The following SHISAL1 variants were observed in gnomAD, a reference collection of about 807,000 sequenced individuals.
SHISAL1 encodes the protein protein shisa-like-1.
A neutral mutation model predicts 22.6 loss-of-function variants in SHISAL1; 9 were observed. The ratio of observed to expected loss-of-function variants is 0.40; its 90% CI spans 0.24 to 0.70. The LOEUF is 0.70. Among genes scored for constraint, SHISAL1 ranks in the 30% least tolerant of loss-of-function variants. The pLI, the probability that SHISAL1 is intolerant of heterozygous loss-of-function variation, is 0.39. For synonymous variants in SHISAL1, 119 were observed against 115.4 expected (o/e 1.03, Z -0.20); for missense variants, 246 against 270.6 (o/e 0.91, Z 0.64).
chr22:44,320,307 A>G, the SHISAL1 span, among the ~76,000 whole-genome samples: 1 of 152,102 alleles, frequency 6.6e-6, no homozygotes, highest in East Asian at 1.9e-4. Flanking sequence ...TGGTTCCTGG[A>G]ACCAACAGGG....
intron 2 of SHISAL1, among the ~76,000 whole-genome samples, chr22:44,299,755 G>A (rs993742739): frequency 2.0e-5 from 3 of 152,054 alleles, no homozygotes; most frequent in African/African-American, 4.8e-5. Flanking sequence ...CAGAGTCAGA[G>A]AAAGACAGAG....
chr22:44,321,597 C>A, the SHISAL1 span, among the ~76,000 whole-genome samples: 8 of 152,174 alleles, frequency 5.3e-5, no homozygotes, highest in African/African-American at 1.9e-4. Flanking sequence ...AGACTGTGAG[C>A]CTGTGAGGAC....
chr22:44,326,580 T>C, the SHISAL1 span, among the ~76,000 whole-genome samples: 3 of 152,138 alleles, frequency 2.0e-5, no homozygotes, highest in Non-Finnish European at 4.4e-5. Context: ...CAGTGTTAAA[T>C]GGGTGTAATT....
Position 44,288,360 on chromosome 22 carries a change from G to C in SHISAL1, c.282-2615C>G, listed in dbSNP as rs532074720. ...GGTAGAAAAGCTGCTCCAGGGGCCA[G>C]GCGCGGTGGCTCATGCCTGTAATCC... On this transcript the variant is annotated intron_variant, in intron 3 of 4. Coordinates refer to ENST00000381176, the MANE Select transcript of SHISAL1 (RefSeq NM_001099294.2). Among the ~76,000 whole-genome samples, 6 of 152,344 alleles carry C rather than the reference G, an allele frequency of 3.9e-5. No homozygotes were observed. In the South Asian group the frequency reaches 1.2e-3, roughly 32 times the overall value.
chr22:44,331,678 A>G, the SHISAL1 span, among the ~76,000 whole-genome samples: 1 of 147,072 alleles, frequency 6.8e-6, no homozygotes, highest in Non-Finnish European at 1.5e-5. The surrounding 1 kb of genome is among the most constrained non-coding windows in gnomAD (Gnocchi z 5.2). Flanking sequence ...GGCGCTCGGA[A>G]GGCGCCCGCT....
the SHISAL1 span, among the ~76,000 whole-genome samples, chr22:44,324,739 T>C: frequency 6.6e-6 from 1 of 152,188 alleles, no homozygotes; most frequent in South Asian, 2.1e-4. Flanking sequence ...CAGGCTGCTC[T>C]TGGGGAAGGA....
At chr22:44,294,347 T>C (rs556594822) in intron 3 of SHISAL1, among the ~76,000 whole-genome samples, 10 of 152,316 alleles carry the variant, frequency 6.6e-5, no homozygotes, top group Non-Finnish European at 1.5e-4. Flanking sequence ...AACAGGCGGC[T>C]TCCCCCTGAG....
intron 1 of SHISAL1, among the ~76,000 whole-genome samples, chr22:44,307,336 G>A (rs570805380): frequency 2.6e-5 from 4 of 152,292 alleles, no homozygotes; most frequent in Admixed American, 6.5e-5. Flanking sequence ...GGATCACCAA[G>A]CTCCCATCTC....
intron 4 of SHISAL1, among the ~76,000 whole-genome samples, chr22:44,254,884 C>T (rs145196134): frequency 3.6e-4 from 55 of 152,326 alleles, no homozygotes; most frequent in African/African-American, 1.2e-3. Context: ...TCCCAACAGG[C>T]TTTTCTTCCA....
intron 4 of SHISAL1, among the ~76,000 whole-genome samples, chr22:44,274,073 C>T (rs2055223080): frequency 6.9e-6 from 1 of 143,918 alleles, no homozygotes; most frequent in Admixed American, 7.0e-5. Flanking sequence ...CCCACCCACC[C>T]TGTCTCCACT....
chr22:44,307,343 T>C (rs909439045), intron 1 of SHISAL1, among the ~76,000 whole-genome samples: 2 of 152,074 alleles, frequency 1.3e-5, no homozygotes, highest in Non-Finnish European at 2.9e-5. Context: ...CAAGCTCCCA[T>C]CTCAGAAGGG....
At chr22:44,319,624 G>A in the SHISAL1 span, among the ~76,000 whole-genome samples, 3 of 152,316 alleles carry the variant, frequency 2.0e-5, no homozygotes, top group South Asian at 2.1e-4. Context: ...TCCTCCAGCC[G>A]CAGAAACTCC....
intron 3 of SHISAL1, among the ~76,000 whole-genome samples, chr22:44,290,529 C>CA (rs546640216): frequency 0.059 from 4,955 of 84,070 alleles, 303 homozygotes; most frequent in East Asian, 0.3. Context: ...AACTCAGTCT[C>CA]AAAAAAAAAA....
chr22:44,319,027 T>C, the SHISAL1 span, among the ~76,000 whole-genome samples: 1 of 152,238 alleles, frequency 6.6e-6, no homozygotes, highest in Non-Finnish European at 1.5e-5. Flanking sequence ...AGGGTCCCGT[T>C]GTACCATGGC....
rs756438090 is a variant in SHISAL1, at chr22:44,285,431, G to GCATCAC, written c.595_596insGTGATG (p.Ser198_Ala199insGlyAsp). 37 of 1,613,872 alleles carry GCATCAC rather than the reference G, an allele frequency of 2.3e-5. No homozygotes were observed. The highest frequency in any genetic ancestry group is 2.7e-5 in the Non-Finnish European group (32 of 1,179,884). ...GGTCTCAATTGTAGCCACTCACCAG[G>GCATCAC]CAGACGAACTCTGGAAGGTCATCAG... is the stretch of plus-strand genomic sequence containing the variant. On this transcript the variant is annotated inframe_insertion, in exon 4 of 5. Transcript: ENST00000381176.
intron 4 of SHISAL1, among the ~76,000 whole-genome samples, chr22:44,269,518 C>T (rs1569212714): frequency 1.1e-5 from 1 of 92,712 alleles, no homozygotes; most frequent in Admixed American, 1.1e-4. Flanking sequence ...TGCTGCAGAC[C>T]CACACAATAT....
At chr22:44,263,479 A>G (rs1288087956) in intron 4 of SHISAL1, among the ~76,000 whole-genome samples, 2 of 152,208 alleles carry the variant, frequency 1.3e-5, no homozygotes, top group Non-Finnish European at 2.9e-5. Flanking sequence ...ACATCAAGGA[A>G]CCTATCTGGG....
intron 4 of SHISAL1, among the ~76,000 whole-genome samples, chr22:44,267,768 T>A (rs73163889): frequency 3.0e-3 from 457 of 152,354 alleles, no homozygotes; most frequent in Middle Eastern, 0.017. Context: ...CCTCTGCACG[T>A]GCTATTTCCA....
At chr22:44,281,677 T>C (rs1327943670) in intron 4 of SHISAL1, among the ~76,000 whole-genome samples, 2 of 151,986 alleles carry the variant, frequency 1.3e-5, no homozygotes, top group Non-Finnish European at 2.9e-5. Context: ...CCCTCAGGGG[T>C]TGTCCTGACT....
Sources: gnomAD v4.1 joint callset for allele counts (sites outside exome capture counted in the v4.1 genomes callset) on GRCh38, gnomAD v4.1.1 for gene constraint, Gnocchi (gnomAD v3.1) non-coding constraint, MANE v1.5 for transcripts, NCBI Gene and HGNC (gene_info 2026-07-23, HGNC 2026-07-21) for gene names.